The following SCHIP1 variants were observed in gnomAD, a reference collection of about 807,000 sequenced individuals.
The protein encoded by SCHIP1 is schwannomin-interacting protein 1.
SCHIP1 carries 8 observed loss-of-function variants against 29.7 expected under a neutral mutation model. The observed-to-expected ratio is 0.27, with a 90% CI of 0.16 to 0.49. The LOEUF (loss-of-function observed/expected upper bound fraction) is 0.49, where lower values mean the gene tolerates loss of function less well. Ranked by LOEUF, SCHIP1 falls within the 20% of genes least tolerant of loss-of-function variation. The pLI is 0.99. For synonymous variants in SCHIP1, 76 were observed against 94.9 expected, an observed-to-expected ratio of 0.80 and a Z score of 1.16; for missense variants, 193 against 294.6, an observed-to-expected ratio of 0.66 and a Z score of 2.52.
chr3:159,806,311 AG>A, the SCHIP1 span, among the ~76,000 whole-genome samples: 1 of 152,218 alleles, frequency 6.6e-6, no homozygotes, highest in Non-Finnish European at 1.5e-5. Context: ...TTCTTTGAGC[AG>A]TAGGCAAAGC....
chr3:159,520,540 G>A, the SCHIP1 span, among the ~76,000 whole-genome samples: 1 of 152,126 alleles, frequency 6.6e-6, no homozygotes, highest in East Asian at 1.9e-4. Flanking sequence ...ATAAAGTTCT[G>A]CCTTCCATAT....
chr3:159,481,190 T>C, the SCHIP1 span, among the ~76,000 whole-genome samples: 6 of 152,208 alleles, frequency 3.9e-5, no homozygotes, highest in Admixed American at 1.3e-4. Flanking sequence ...ATGTAAATTA[T>C]CAGGCTCTAG....
At chr3:159,405,589 T>C in the SCHIP1 span, among the ~76,000 whole-genome samples, 3 of 152,028 alleles carry the variant, frequency 2.0e-5, no homozygotes, top group Non-Finnish European at 4.4e-5. Flanking sequence ...TATTTGAAAA[T>C]GCACAGAGGC....
the SCHIP1 span, among the ~76,000 whole-genome samples, chr3:159,831,073 A>T: frequency 1.3e-5 from 2 of 152,196 alleles, no homozygotes; most frequent in African/African-American, 4.8e-5. Flanking sequence ...GACAGAGCCA[A>T]TTCCCTCTGG....
the SCHIP1 span, among the ~76,000 whole-genome samples, chr3:159,730,423 C>T: frequency 6.6e-6 from 1 of 152,102 alleles, no homozygotes; most frequent in African/African-American, 2.4e-5. Flanking sequence ...TAGAGCAGTG[C>T]CTGGTACATG....
chr3:159,509,836 C>A, the SCHIP1 span, among the ~76,000 whole-genome samples: 25 of 152,240 alleles, frequency 1.6e-4, no homozygotes, highest in East Asian at 7.7e-4. Flanking sequence ...CTGAGAGATC[C>A]TCTGTTAGTC....
chr3:159,507,780 G>C, the SCHIP1 span, among the ~76,000 whole-genome samples: 1 of 152,010 alleles, frequency 6.6e-6, no homozygotes, highest in Admixed American at 6.6e-5. Context: ...TATTGATTTT[G>C]GTATGTTGAA....
the SCHIP1 span, among the ~76,000 whole-genome samples, chr3:159,427,749 C>A: frequency 7.6e-4 from 115 of 152,174 alleles, no homozygotes; most frequent in East Asian, 0.019. Flanking sequence ...CAATCCTAAG[C>A]CAAAAGAACA....
chr3:159,764,661 G>T, the SCHIP1 span: 1 of 1,596,294 alleles, frequency 6.3e-7, no homozygotes, highest in East Asian at 2.3e-5. The surrounding 1 kb of genome is among the most constrained non-coding windows in gnomAD (Gnocchi z 6.1). Flanking sequence ...AGTGGGCGCC[G>T]GAGGAGGACG....
the SCHIP1 span, among the ~76,000 whole-genome samples, chr3:159,643,752 C>A: frequency 6.6e-6 from 1 of 152,040 alleles, no homozygotes; most frequent in East Asian, 1.9e-4. Flanking sequence ...TTCCTATGAT[C>A]CACCTCAATA....
chr3:159,633,174 C>T, the SCHIP1 span, among the ~76,000 whole-genome samples: 1 of 152,186 alleles, frequency 6.6e-6, no homozygotes, highest in African/African-American at 2.4e-5. Context: ...AGATTTTTAA[C>T]ACAAAATCTT....
the SCHIP1 span, among the ~76,000 whole-genome samples, chr3:159,673,869 G>C: frequency 6.6e-6 from 1 of 152,108 alleles, no homozygotes; most frequent in African/African-American, 2.4e-5. Context: ...ACCATGTTTG[G>C]GACACTGTGC....
chr3:159,501,511 T>C, the SCHIP1 span, among the ~76,000 whole-genome samples: 1 of 152,218 alleles, frequency 6.6e-6, no homozygotes, highest in Non-Finnish European at 1.5e-5. Flanking sequence ...GAATTAAAAA[T>C]ATGGCACAAA....
At chr3:159,307,922 A>G in the SCHIP1 span, among the ~76,000 whole-genome samples, 1 of 151,888 alleles carries the variant, frequency 6.6e-6, no homozygotes, top group Non-Finnish European at 1.5e-5. Flanking sequence ...CTTCTGTTCC[A>G]CTGACCTGTG....
the SCHIP1 span, among the ~76,000 whole-genome samples, chr3:159,736,839 A>G: frequency 1.3e-5 from 2 of 150,788 alleles, no homozygotes; most frequent in East Asian, 2.0e-4. Flanking sequence ...GGTTCACGCC[A>G]TTCTCCTGCC....
At chr3:159,697,159 T>C in the SCHIP1 span, among the ~76,000 whole-genome samples, 5 of 152,262 alleles carry the variant, frequency 3.3e-5, no homozygotes, top group South Asian at 4.1e-4. Flanking sequence ...CTGGACTAGA[T>C]AGTACCAGTA....
chr3:159,826,737 C>A, the SCHIP1 span, among the ~76,000 whole-genome samples: 1 of 152,154 alleles, frequency 6.6e-6, no homozygotes, highest in Non-Finnish European at 1.5e-5. Context: ...TCTATCTTGA[C>A]CTTCTTAGTA....
At chr3:159,463,745 T>TAC in the SCHIP1 span, among the ~76,000 whole-genome samples, 1 of 151,662 alleles carries the variant, frequency 6.6e-6, no homozygotes, top group African/African-American at 2.4e-5. Flanking sequence ...GAATGAGATA[T>TAC]ATATATATAT....
At chr3:159,513,077 G>T in the SCHIP1 span, among the ~76,000 whole-genome samples, 3 of 152,146 alleles carry the variant, frequency 2.0e-5, no homozygotes, top group Admixed American at 1.3e-4. Context: ...ATACAATAAG[G>T]TGTTTGTTTT....
Sources: allele counts gnomAD v4.1 joint callset (sites outside exome capture counted in the v4.1 genomes callset), GRCh38; gene constraint gnomAD v4.1.1; non-coding constraint Gnocchi (gnomAD v3.1); transcripts MANE v1.5; gene names NCBI Gene and HGNC (gene_info 2026-07-23, HGNC 2026-07-21).